GRIK4: variants seen among roughly 807,000 people sequenced by gnomAD.
The protein encoded by GRIK4 is glutamate ionotropic receptor kainate type subunit 4.
In GRIK4, 40 loss-of-function variants were observed where a neutral mutation model predicts 104.9. That is an observed-to-expected ratio of 0.38 (90% CI 0.30 to 0.50). The LOEUF (loss-of-function observed/expected upper bound fraction) is 0.50, where lower values mean the gene tolerates loss of function less well. GRIK4 is among the 20% of genes least tolerant of loss of function. The probability of loss-of-function intolerance (pLI) is 0.93; values close to 1 mark genes in which losing one functional copy is unlikely to be tolerated. For synonymous variants in GRIK4, 485 were observed against 524.9 expected (o/e 0.92, Z 1.04); for missense variants, 1,047 against 1,308.1 (o/e 0.80, Z 3.08).
chr11:120,911,526 C>T (rs1270679620), intron 13 of GRIK4, among the ~76,000 whole-genome samples: 9 of 147,740 alleles, frequency 6.1e-5, no homozygotes, highest in Non-Finnish European at 1.2e-4. Flanking sequence ...CTTGAGCCAC[C>T]GCGCCCGGCC....
chr11:120,901,367 C>T (rs1231995784), intron 12 of GRIK4, among the ~76,000 whole-genome samples: 2 of 152,100 alleles, frequency 1.3e-5, no homozygotes, highest in East Asian at 3.9e-4. Context: ...ACATGCTGTT[C>T]CTTATGCCTG....
intron 1 of GRIK4, among the ~76,000 whole-genome samples, chr11:120,643,644 C>T (rs1806051768): frequency 6.6e-6 from 1 of 152,222 alleles, no homozygotes; most frequent in African/African-American, 2.4e-5. Flanking sequence ...CTTGGCTCAT[C>T]GCTCATTAGC....
chr11:120,611,128 C>T (rs2135147697), intron 1 of GRIK4, among the ~76,000 whole-genome samples: 1 of 152,234 alleles, frequency 6.6e-6, no homozygotes, highest in East Asian at 1.9e-4. Context: ...GATTGGGGTG[C>T]AGAGATCTAG....
At chr11:120,787,358 T>C (rs1251685543) in intron 3 of GRIK4, among the ~76,000 whole-genome samples, 2 of 152,094 alleles carry the variant, frequency 1.3e-5, no homozygotes, top group African/African-American at 4.8e-5. Flanking sequence ...CAAAACATAG[T>C]GTTTGTGAAA....
chr11:120,948,499 G>A (rs1943919592), intron 14 of GRIK4, among the ~76,000 whole-genome samples: 2 of 152,118 alleles, frequency 1.3e-5, no homozygotes, highest in Non-Finnish European at 2.9e-5. Flanking sequence ...TCTAAAGGTT[G>A]GAATCACTGG....
At chr11:120,876,386 CACCAGCCTCATCATCACA>C (rs1954816363) in intron 11 of GRIK4, among the ~76,000 whole-genome samples, 1 of 147,196 alleles carries the variant, frequency 6.8e-6, no homozygotes, top group African/African-American at 2.5e-5. Flanking sequence ...TCACCACCAC[CACCAGCCTCATCATCACA>C]ACCACCATTG....
chr11:120,750,747 A>G (rs1951535460), intron 3 of GRIK4, among the ~76,000 whole-genome samples: 2 of 152,140 alleles, frequency 1.3e-5, no homozygotes, highest in Admixed American at 1.3e-4. Flanking sequence ...TCTGTGTTCC[A>G]TTTAATTAAT....
In GRIK4 at chr11:120,511,851, G is replaced by A. The variant is rs1372160746; in HGVS notation, c.-195G>A. 8.6e-6 allele frequency: 3 copies of A among 347,968 alleles called. No individual in the cohort carries two copies. Among genetic ancestry groups the A allele is most frequent in the Non-Finnish European group, 1.8e-5 (3 of 170,946 alleles). The allele number at this position is 347,968 out of a possible 1,614,324, so 21.6% of individuals were successfully genotyped here. On this transcript the variant is annotated 5_prime_UTR_variant, in exon 1 of 21. Coordinates refer to ENST00000527524, the MANE Select transcript of GRIK4 (RefSeq NM_014619.5). ...CCCGCGGCCGGCCCGGCAGCGCCCGGCCCCCGGCTCAGCCCCCGGAGTGCG... is the reference window on the plus strand; with the variant it reads ...CCCGCGGCCGGCCCGGCAGCGCCCGACCCCCGGCTCAGCCCCCGGAGTGCG...
At chr11:120,775,286 A>C (rs368005985) in intron 3 of GRIK4, among the ~76,000 whole-genome samples, 2 of 152,194 alleles carry the variant, frequency 1.3e-5, no homozygotes, top group African/African-American at 4.8e-5. Flanking sequence ...CACACAAGCC[A>C]TACAAGAGAG....
intron 3 of GRIK4, among the ~76,000 whole-genome samples, chr11:120,683,972 T>A (rs1446821502): frequency 1.3e-5 from 2 of 152,204 alleles, no homozygotes; most frequent in Admixed American, 1.3e-4. Context: ...AGTACAGAAC[T>A]TTTCCAGACC....
chr11:120,615,564 A>G (rs1328551087), intron 1 of GRIK4, among the ~76,000 whole-genome samples: 3 of 152,034 alleles, frequency 2.0e-5, no homozygotes, highest in Non-Finnish European at 2.9e-5. Flanking sequence ...TCTCTTCTCT[A>G]TTCCAGGAAG....
intron 1 of GRIK4, among the ~76,000 whole-genome samples, chr11:120,514,413 C>A (rs943882924): frequency 6.6e-6 from 1 of 152,198 alleles, no homozygotes. Context: ...ATGCCTCATC[C>A]AAGGCTCCAC....
intron 2 of GRIK4, among the ~76,000 whole-genome samples, chr11:120,655,591 C>T (rs1426085872): frequency 6.6e-6 from 1 of 152,128 alleles, no homozygotes; most frequent in Non-Finnish European, 1.5e-5. Flanking sequence ...AGAGAAAGAC[C>T]AGAGGATGGG....
At chr11:120,659,114 C>T (rs1023413872) in intron 2 of GRIK4, among the ~76,000 whole-genome samples, 40 of 152,120 alleles carry the variant, frequency 2.6e-4, no homozygotes, top group African/African-American at 9.7e-4. Flanking sequence ...TCATCAGCCG[C>T]ACCCTCACCC....
Position 120,982,107 on chromosome 11 carries a change from C to T in GRIK4, c.2397C>T (p.Gly799=). ...CPKEEDHRAK[G]LGMENIGGIF... ...TCATTTGTTATCACTTTCTTACAGG[C>T]CTGGGAATGGAGAATATTGGTGGAA... Residue 799 remains glycine, a splice_region_variant and synonymous_variant, in exon 20 of 21, where the codon GGC becomes GGT. Coordinates refer to ENST00000527524, the MANE Select transcript of GRIK4 (RefSeq NM_014619.5). 3 of 1,572,124 alleles carry T rather than the reference C, an allele frequency of 1.9e-6. No homozygotes were observed. The highest frequency in any genetic ancestry group is 1.7e-4 in the Middle Eastern group (1 of 5,994).
At chr11:120,665,656 G>T (rs1223379425) in intron 3 of GRIK4, among the ~76,000 whole-genome samples, 3 of 152,100 alleles carry the variant, frequency 2.0e-5, no homozygotes, top group Non-Finnish European at 2.9e-5. Context: ...ATTGGTCAAG[G>T]TTTAAAAATG....
At chr11:120,620,863 C>T (rs1007273778) in intron 1 of GRIK4, among the ~76,000 whole-genome samples, 29 of 152,280 alleles carry the variant, frequency 1.9e-4, no homozygotes, top group African/African-American at 5.5e-4. Flanking sequence ...CTTTGCAATA[C>T]GATCTCATTC....
rs540925682 is a variant in GRIK4 at position 120,894,381 on chromosome 11, G to A, written c.1165-4151G>A. 7 of 152,336 alleles carry A rather than the reference G, an allele frequency of 4.6e-5. No homozygotes were observed. The East Asian group carries it at 1.3e-3, about 29-fold the overall frequency. The allele number at this position is 152,336 out of a possible 1,614,324, so 9.4% of individuals were successfully genotyped here. On this transcript the variant is annotated intron_variant, in intron 11 of 20. Transcript: ENST00000527524. The stretch of plus-strand genomic sequence containing the variant: ...ACTCCTGTCCAACTTTGCGTTGCTG[G>A]TTCTGGTTGTGCAACACCCAAGGAT...
chr11:120,546,934 G>A (rs1948090544), intron 1 of GRIK4, among the ~76,000 whole-genome samples: 1 of 152,236 alleles, frequency 6.6e-6, no homozygotes, highest in African/African-American at 2.4e-5. Context: ...AGGTTCTGGG[G>A]CTGAGCGCAG....
Sources: gnomAD v4.1 joint callset for allele counts (sites outside exome capture counted in the v4.1 genomes callset) on GRCh38, gnomAD v4.1.1 for gene constraint, MANE v1.5 for transcripts, NCBI Gene and HGNC (gene_info 2026-07-23, HGNC 2026-07-21) for gene names.